AKR1D1: variants seen among roughly 807,000 people sequenced by gnomAD.
The protein encoded by AKR1D1 is delta(4)-3-ketosteroid 5-beta-reductase.
AKR1D1 carries 32 observed loss-of-function variants against 42.6 expected under a neutral mutation model. The observed-to-expected ratio is 0.75, with a 90% confidence interval of 0.57 to 1.01. AKR1D1 has a LOEUF of 1.01. Ranked by LOEUF, AKR1D1 falls within the 50% of genes least tolerant of loss-of-function variation. AKR1D1 has a pLI of 0.00. For missense variants in AKR1D1, 364 were observed against 402.2 expected (o/e 0.91, Z 0.81); for synonymous variants, 123 against 135.5 (o/e 0.91, Z 0.64).
Position 138,110,857 on chromosome 7 carries a change from T to A in AKR1D1, c.856-2833T>A, listed in dbSNP as rs560875243. ...CAGGATATTTTAAAAGTTAAAATTT[T>A]AAAAAAAAGAAATTATACCAGGTGT... On this transcript the variant is annotated intron_variant, in intron 7 of 8. Transcript: ENST00000242375. 2.1e-3 allele frequency among the ~76,000 whole-genome samples: 322 copies of A among 152,010 alleles called. 2 individuals carry two copies. Among genetic ancestry groups the A allele is most frequent in the Non-Finnish European group, 3.1e-3 (213 of 67,944 alleles).
intron 2 of AKR1D1, among the ~76,000 whole-genome samples, chr7:138,090,872 G>T (rs921702269): frequency 1.3e-5 from 2 of 152,116 alleles, no homozygotes; most frequent in Non-Finnish European, 2.9e-5. Context: ...TTGCTCTGGG[G>T]TCTAAGTAGG....
intron 1 of AKR1D1, among the ~76,000 whole-genome samples, chr7:138,082,922 T>G (rs1803087645): frequency 6.6e-6 from 1 of 152,192 alleles, no homozygotes; most frequent in African/African-American, 2.4e-5. Flanking sequence ...AACATTTAGG[T>G]TGTTTCCATA....
At chr7:138,107,722 T>A in intron 7 of AKR1D1, 142 bp downstream of exon 7, 1 of 852,288 alleles carries the variant, frequency 1.2e-6, no homozygotes, top group Non-Finnish European at 1.8e-6. Flanking sequence ...GTAGCCCATA[T>A]CTAGGTTTAA....
chr7:138,100,421 C>T (rs2117449898), intron 4 of AKR1D1, among the ~76,000 whole-genome samples: 1 of 152,034 alleles, frequency 6.6e-6, no homozygotes, highest in Non-Finnish European at 1.5e-5. Context: ...TAAAAAGTCA[C>T]CAACAGGTTA....
In AKR1D1 at chr7:138,116,625, G is replaced by A. The variant is rs146935906; in HGVS notation, c.944G>A (p.Arg315His). ...NVRFVELLMW[R>H]DHPEYPFHDE... ...TGGGGGAATTGTTTTGGCAGGTGGC[G>A]CGATCATCCTGAATACCCATTTCAT... The change falls in exon 9 of 9, where the codon CGC becomes CAC. Residue 315 changes from arginine to histidine, a missense_variant. Arg to His is a conservative substitution (Grantham distance 29). Coordinates refer to ENST00000242375, the MANE Select transcript of AKR1D1 (RefSeq NM_005989.4). The A allele has an allele frequency of 3.3e-5, 54 of 1,613,990 alleles. No individual in the cohort carries two copies. In the African/African-American group the frequency reaches 4.1e-4, roughly 12 times the overall value.
intron 3 of AKR1D1, among the ~76,000 whole-genome samples, chr7:138,096,092 C>T (rs890071899): frequency 1.3e-5 from 2 of 151,966 alleles, no homozygotes; most frequent in African/African-American, 4.8e-5. Flanking sequence ...GTAGTCCCAG[C>T]TGCTCAGGAG....
intron 1 of AKR1D1, among the ~76,000 whole-genome samples, chr7:138,087,892 TC>T (rs1318749438): frequency 0.012 from 1,760 of 149,842 alleles, 41 homozygotes; most frequent in African/African-American, 0.042. Context: ...ACATTTCTTT[TC>T]TTTTTTTTTT....
Position 138,076,474 on chromosome 7 carries a change from C to T in AKR1D1, c.-45C>T. 1.3e-6 allele frequency: 2 copies of T among 1,519,738 alleles called. No individual in the cohort carries two copies. Among genetic ancestry groups the T allele is most frequent in the Non-Finnish European group, 1.8e-6 (2 of 1,095,200 alleles). 94.1% of individuals were successfully genotyped at this position (1,519,738 alleles called of 1,614,324 possible). On this transcript the variant is annotated 5_prime_UTR_variant, in exon 1 of 9. Coordinates refer to ENST00000242375, the MANE Select transcript of AKR1D1 (RefSeq NM_005989.4). ...GCCCTAGGACACCTTTCTAAAAAGA[C>T]TCCCTGTGGTGTTCAGAATCACTCC...
In AKR1D1 at chr7:138,113,680, G is replaced by C; in HGVS notation, c.856-10G>C. 6 of 1,612,544 alleles carry C rather than the reference G, an allele frequency of 3.7e-6. No individual in the cohort carries two copies. Among genetic ancestry groups the C allele is most frequent in the Non-Finnish European group, 5.1e-6 (6 of 1,178,680 alleles). The stretch of plus-strand genomic sequence containing the variant: ...CCTTCAAAAATGTTCTATTATTTCC[G>C]TTATTTCAGATCTTTGACTTTTCTC... On this transcript the variant is annotated splice_polypyrimidine_tract_variant and intron_variant, in intron 7 of 8. Coordinates refer to ENST00000242375, the MANE Select transcript of AKR1D1 (RefSeq NM_005989.4).
chr7:138,101,957 T>C (rs1051413041), intron 4 of AKR1D1, among the ~76,000 whole-genome samples: 15 of 152,276 alleles, frequency 9.9e-5, no homozygotes, highest in Admixed American at 2.0e-4. Context: ...TGCCTATAAA[T>C]CCCAGCACTT....
intron 1 of AKR1D1, among the ~76,000 whole-genome samples, chr7:138,087,152 G>A (rs753258490): frequency 2.6e-5 from 4 of 152,178 alleles, no homozygotes; most frequent in Non-Finnish European, 5.9e-5. Context: ...CGGCAGGTTA[G>A]GGCCCAGTCT....
Position 138,095,226 on chromosome 7 carries a change from T to C in AKR1D1, c.379-2640T>C, listed in dbSNP as rs75394221. 2.3e-3 allele frequency among the ~76,000 whole-genome samples: 346 copies of C among 152,290 alleles called. 1 individual carries two copies. The highest frequency in any genetic ancestry group is 8.1e-3 in the African/African-American group (337 of 41,568). ...AATTCATGATGGAGGCATAAGGCCA[T>C]TCAGAAGGTAAGTAAAATTAGGAAA... On this transcript the variant is annotated intron_variant, in intron 3 of 8. Coordinates refer to ENST00000242375, the MANE Select transcript of AKR1D1 (RefSeq NM_005989.4).
rs918836396 is a variant in AKR1D1, at chr7:138,103,781, T to G, written c.457-1526T>G. ...GATTGAATTTACCAAAAAGATATAC[T>G]AATTTTAAGCACATATATATCAAAT... is the stretch of plus-strand genomic sequence containing the variant. On this transcript the variant is annotated intron_variant, in intron 4 of 8. Transcript: ENST00000242375. Among the ~76,000 whole-genome samples, 3 of 152,316 alleles carry G rather than the reference T, an allele frequency of 2.0e-5. No individual in the cohort carries two copies. The South Asian group carries it at 6.2e-4, about 32-fold the overall frequency.
intron 4 of AKR1D1, among the ~76,000 whole-genome samples, chr7:138,105,057 C>T (rs1299030689): frequency 1.3e-5 from 2 of 152,120 alleles, no homozygotes; most frequent in African/African-American, 2.4e-5. Flanking sequence ...TCGCGCCCTA[C>T]CTGGGATCAC....
chr7:138,100,816 T>C (rs1024694281), intron 4 of AKR1D1, among the ~76,000 whole-genome samples: 2 of 148,676 alleles, frequency 1.3e-5, no homozygotes, highest in African/African-American at 5.0e-5. Flanking sequence ...GCCATTCTCT[T>C]GCCTCAGCCT....
At chr7:138,086,335 A>G (rs985193541) in intron 1 of AKR1D1, among the ~76,000 whole-genome samples, 13 of 152,138 alleles carry the variant, frequency 8.5e-5, no homozygotes, top group African/African-American at 2.9e-4. Flanking sequence ...CATTCATAAC[A>G]TCTCATTTTA....
chr7:138,101,179 C>CCCTT (rs1294179028), intron 4 of AKR1D1, among the ~76,000 whole-genome samples: 1 of 22,254 alleles, frequency 4.5e-5, no homozygotes, highest in South Asian at 3.1e-3. Flanking sequence ...CTCCCTCCCT[C>CCCTT]CCTCCCTCCC....
chr7:138,102,073 T>C (rs1794329442), intron 4 of AKR1D1, among the ~76,000 whole-genome samples: 1 of 151,942 alleles, frequency 6.6e-6, no homozygotes, highest in South Asian at 2.1e-4. Context: ...TAGCCAGGCA[T>C]AGTGGCGCCC....
chr7:138,116,865 A>G lies in AKR1D1; in HGVS notation c.*203A>G, dbSNP rs974162855. ...AAAAATATTAAAATCTGTTGAAATA[A>G]CTCTTAGGAAATTATCAACTAATTT... On this transcript the variant is annotated 3_prime_UTR_variant, in exon 9 of 9. Coordinates refer to ENST00000242375, the MANE Select transcript of AKR1D1 (RefSeq NM_005989.4). 1 of 537,874 alleles carries G rather than the reference A, an allele frequency of 1.9e-6. No individual in the cohort carries two copies. Among genetic ancestry groups the G allele is most frequent in the African/African-American group, 1.9e-5 (1 of 52,886 alleles). The allele number at this position is 537,874 out of a possible 1,614,324, so 33.3% of individuals were successfully genotyped here. A position where few individuals can be genotyped will look rare whatever the true frequency, so the allele number is the denominator to read the frequency against.
Sources: gnomAD v4.1 joint callset for allele counts (sites outside exome capture counted in the v4.1 genomes callset) on GRCh38, gnomAD v4.1.1 for gene constraint, MANE v1.5 for transcripts, NCBI Gene and HGNC (gene_info 2026-07-23, HGNC 2026-07-21) for gene names.